The following RAVER2 variants were observed in gnomAD, a reference collection of about 807,000 sequenced individuals.
The protein encoded by RAVER2 is ribonucleoprotein, PTB binding 2, also known as ribonucleoprotein PTB-binding 2.
Under a neutral mutation model 78.1 loss-of-function variants are expected in RAVER2, and 46 were observed. The observed-to-expected ratio is 0.59, with a 90% confidence interval of 0.46 to 0.75. RAVER2 has a LOEUF of 0.75. Among genes scored for constraint, RAVER2 ranks in the 30% least tolerant of loss-of-function variants. The probability of loss-of-function intolerance (pLI) is 0.00; values close to 1 mark genes in which losing one functional copy is unlikely to be tolerated. For missense variants in RAVER2, 793 were observed against 837.5 expected (o/e 0.95, Z 0.66); for synonymous variants, 311 against 313.3 (o/e 0.99, Z 0.08).
chr1:64,832,485 G>A (rs1557611553), exon 12 of RAVER2: 2 of 152,454 alleles, frequency 1.3e-5, no homozygotes, highest in Admixed American at 6.5e-5. Context: ...TTATAAGACT[G>A]TAATTAATTG....
intron 10 of RAVER2, among the ~76,000 whole-genome samples, chr1:64,814,294 G>A (rs1653701486): frequency 6.6e-6 from 1 of 150,594 alleles, no homozygotes; most frequent in Admixed American, 6.6e-5. Flanking sequence ...ATAGAGATGG[G>A]GTTTCACCAT....
At chr1:64,772,025 T>C (rs1250537639) in intron 2 of RAVER2, among the ~76,000 whole-genome samples, 1 of 152,090 alleles carries the variant, frequency 6.6e-6, no homozygotes, top group Non-Finnish European at 1.5e-5. Flanking sequence ...AACTAAATAG[T>C]AGACCATGCA....
At chr1:64,769,622 A>AT (rs1456291298) in intron 2 of RAVER2, among the ~76,000 whole-genome samples, 2 of 152,034 alleles carry the variant, frequency 1.3e-5, no homozygotes, top group Non-Finnish European at 1.5e-5. Context: ...CAGGTGAAAG[A>AT]TTTCAGAGCC....
intron 1 of RAVER2, among the ~76,000 whole-genome samples, chr1:64,749,199 T>C (rs764396591): frequency 3.9e-5 from 6 of 151,920 alleles, no homozygotes; most frequent in Non-Finnish European, 7.4e-5. Context: ...TAGTCTTGCA[T>C]TGGATTTTTT....
In RAVER2 at chr1:64,828,290, A is replaced by G. The variant is rs535840575; in HGVS notation, c.1930-2549A>G. 6.6e-5 allele frequency among the ~76,000 whole-genome samples: 10 copies of G among 152,056 alleles called. 1 individual carries two copies. The East Asian group carries it at 1.5e-3, about 24-fold the overall frequency. The stretch of plus-strand genomic sequence containing the variant: ...TTCCTCTTCCTTCCCCTCCTAGGAT[A>G]TGAGCTGTGGGAGGGCATAGTCCAA... On this transcript the variant is annotated intron_variant, in intron 11 of 11. Coordinates refer to ENST00000294428, the Ensembl canonical transcript of RAVER2.
At chr1:64,780,721 C>A (rs1652603813) in intron 3 of RAVER2, among the ~76,000 whole-genome samples, 1 of 152,098 alleles carries the variant, frequency 6.6e-6, no homozygotes, top group Non-Finnish European at 1.5e-5. Context: ...CTTTTCAGAT[C>A]CAGGACTTTA....
chr1:64,804,766 C>A, exon 7 of RAVER2: 1 of 1,535,446 alleles, frequency 6.5e-7, no homozygotes, highest in South Asian at 1.1e-5. Flanking sequence ...CTAATTTATT[C>A]CTTCAGAATC....
intron 5 of RAVER2, among the ~76,000 whole-genome samples, chr1:64,800,514 C>T (rs756991328): frequency 6.6e-6 from 1 of 152,132 alleles, no homozygotes; most frequent in Admixed American, 6.6e-5. Flanking sequence ...ATGAATATTC[C>T]GTTTTCCCAG....
chr1:64,809,122 G>T (rs78019881), intron 9 of RAVER2, among the ~76,000 whole-genome samples: 7,190 of 152,214 alleles, frequency 0.047, 405 homozygotes, highest in East Asian at 0.27. Flanking sequence ...CCTCCAGTGG[G>T]CAGAACTGGC....
chr1:64,794,773 A>G (rs1653051060), intron 5 of RAVER2, among the ~76,000 whole-genome samples: 1 of 152,022 alleles, frequency 6.6e-6, no homozygotes, highest in Non-Finnish European at 1.5e-5. Context: ...TGGTTTGCAA[A>G]TATTTTTTTA....
At chr1:64,781,833 A>G (rs1012040647) in intron 4 of RAVER2, among the ~76,000 whole-genome samples, 4 of 152,198 alleles carry the variant, frequency 2.6e-5, no homozygotes, top group African/African-American at 7.2e-5. Context: ...AATTTCATTT[A>G]TTCAGCAAAT....
At chr1:64,786,786 C>G (rs748718881) in intron 4 of RAVER2, among the ~76,000 whole-genome samples, 9 of 151,624 alleles carry the variant, frequency 5.9e-5, no homozygotes, top group African/African-American at 1.9e-4. Context: ...CAGCGAGACT[C>G]TGTCTCAAGA....
chr1:64,802,245 C>A (rs1482080257), intron 5 of RAVER2, among the ~76,000 whole-genome samples: 1 of 152,186 alleles, frequency 6.6e-6, no homozygotes, highest in African/African-American at 2.4e-5. Context: ...GTGCTGACCT[C>A]CTGTCTCATC....
intron 4 of RAVER2, among the ~76,000 whole-genome samples, chr1:64,784,243 G>T (rs80091449): frequency 6.6e-6 from 1 of 152,062 alleles, no homozygotes; most frequent in Non-Finnish European, 1.5e-5. Flanking sequence ...AGACTTAGTC[G>T]TGTGCACCTG....
chr1:64,785,469 A>G (rs1439829264), intron 4 of RAVER2, among the ~76,000 whole-genome samples: 3 of 151,262 alleles, frequency 2.0e-5, no homozygotes, highest in Non-Finnish European at 4.4e-5. Context: ...TGCCGGGTTC[A>G]AGCGACTCTC....
chr1:64,811,431 A>C (rs1355313054), intron 9 of RAVER2, among the ~76,000 whole-genome samples: 1 of 152,170 alleles, frequency 6.6e-6, no homozygotes, highest in Non-Finnish European at 1.5e-5. Flanking sequence ...AATCCATAAA[A>C]ATGCCACTAG....
chr1:64,831,727 CA>C (rs1654139778), exon 12 of RAVER2: 1 of 152,150 alleles, frequency 6.6e-6, no homozygotes. Flanking sequence ...GTGCTGCCTG[CA>C]AGCTAAGACT....
chr1:64,776,251 A>G (rs2100832120), intron 2 of RAVER2, among the ~76,000 whole-genome samples: 1 of 152,320 alleles, frequency 6.6e-6, no homozygotes, highest in Middle Eastern at 3.4e-3. Flanking sequence ...CTTTTAAAAA[A>G]GATTGTTAGA....
intron 6 of RAVER2, 35 bp downstream of exon 6, chr1:64,803,096 T>C: frequency 7.0e-7 from 1 of 1,420,854 alleles, no homozygotes. Context: ...AAGCATTAAA[T>C]ATTCGGAGTG....
Sources: allele counts gnomAD v4.1 joint callset (sites outside exome capture counted in the v4.1 genomes callset), GRCh38; gene constraint gnomAD v4.1.1; transcripts MANE v1.5; gene names NCBI Gene and HGNC (gene_info 2026-07-23, HGNC 2026-07-21).